CHN2: variants seen among roughly 807,000 people sequenced by gnomAD.
CHN2 encodes chimerin 2, also known as beta-chimaerin.
A neutral mutation model predicts 56.3 loss-of-function variants in CHN2; 35 were observed. The observed-to-expected ratio is 0.62, with a 90% CI of 0.47 to 0.82. The LOEUF (loss-of-function observed/expected upper bound fraction) is 0.82. Among genes scored for constraint, CHN2 ranks in the 40% least tolerant of loss-of-function variants. CHN2 has a pLI of 0.00. For synonymous variants in CHN2, 210 were observed against 212.8 expected, an observed-to-expected ratio of 0.99 and a Z score of 0.12; for missense variants, 491 against 580.5, an observed-to-expected ratio of 0.85 and a Z score of 1.58.
Position 29,367,917 on chromosome 7 carries a change from TC to T in CHN2, c.89-14del. On this transcript the variant is annotated splice_polypyrimidine_tract_variant and intron_variant, in intron 2 of 12. Coordinates refer to ENST00000222792, the MANE Select transcript of CHN2 (RefSeq NM_004067.4). ...TTCTAATTATTTCTCTCTCTCTCTC[TC>T]TCTTTTTTGGCAGTATATCAGTTAC... 31 of 1,606,312 alleles carry T rather than the reference TC, an allele frequency of 1.9e-5. No individual in the cohort carries two copies. In the African/African-American group the frequency reaches 2.6e-4, roughly 13 times the overall value.
At chr7:29,290,961 T>G (rs1792561680) in intron 1 of CHN2, among the ~76,000 whole-genome samples, 1 of 152,060 alleles carries the variant, frequency 6.6e-6, no homozygotes, top group African/African-American at 2.4e-5. Context: ...ACCTTTGACT[T>G]GGGGTTTATA....
intron 1 of CHN2, among the ~76,000 whole-genome samples, chr7:29,256,755 C>A (rs1789110913): frequency 6.6e-6 from 1 of 152,090 alleles, no homozygotes; most frequent in Non-Finnish European, 1.5e-5. Flanking sequence ...GGTAGGGAAC[C>A]TAGAGGAACT....
At position 29,195,629 on chromosome 7, in the gene CHN2, A is replaced by AGAGAGAGAGAGGGAGAGAGTGTGT. The variant is rs869037854; in HGVS notation, c.49+640_49+641insAGAGAGAGAGGGAGAGAGTGTGTG. Among the ~76,000 whole-genome samples the AGAGAGAGAGAGGGAGAGAGTGTGT allele has an allele frequency of 6.0e-5, 7 of 117,576 alleles. No homozygotes were observed. The East Asian group carries it at 2.7e-3, about 45-fold the overall frequency. The allele number at this position is 117,576 out of a possible 152,430, so 77.1% of individuals were successfully genotyped here. A position where few individuals can be genotyped will look rare whatever the true frequency, so the allele number is the denominator to read the frequency against. ...GAGAGAGAGAGAGAGAGAGAGAGAG[A>AGAGAGAGAGAGGGAGAGAGTGTGT]GTGTGTGTGTGTGTGTGTGTGAGAG... On this transcript the variant is annotated intron_variant, in intron 1 of 12. Coordinates refer to ENST00000222792, the MANE Select transcript of CHN2 (RefSeq NM_004067.4).
At chr7:29,445,814 G>A (rs1403088949) in intron 6 of CHN2, among the ~76,000 whole-genome samples, 3 of 151,724 alleles carry the variant, frequency 2.0e-5, no homozygotes, top group Admixed American at 6.6e-5. Flanking sequence ...TAAATAAATC[G>A]ATCATCAAAT....
chr7:29,380,548 C>T (rs1056114262), intron 3 of CHN2, among the ~76,000 whole-genome samples: 4 of 152,218 alleles, frequency 2.6e-5, no homozygotes, highest in Non-Finnish European at 5.9e-5. Flanking sequence ...AATACTCTTA[C>T]ATTTCTAGGA....
chr7:29,407,682 C>T (rs12536100), intron 6 of CHN2, among the ~76,000 whole-genome samples: 24,944 of 152,168 alleles, frequency 0.16, 2,802 homozygotes, highest in African/African-American at 0.32. Flanking sequence ...TGCCCTTGCA[C>T]GCAGTCATAA....
chr7:29,449,356 C>G (rs1291513989), intron 6 of CHN2, among the ~76,000 whole-genome samples: 1 of 152,170 alleles, frequency 6.6e-6, no homozygotes, highest in Non-Finnish European at 1.5e-5. Flanking sequence ...AGAAATCATT[C>G]AGATTCTTAT....
intron 6 of CHN2, among the ~76,000 whole-genome samples, chr7:29,409,552 T>C (rs1275624374): frequency 6.6e-6 from 1 of 152,154 alleles, no homozygotes; most frequent in African/African-American, 2.4e-5. Context: ...ACCTGGGATA[T>C]ATTGTTTTAT....
At chr7:29,346,498 G>A (rs1424746294) in intron 1 of CHN2, among the ~76,000 whole-genome samples, 5 of 152,224 alleles carry the variant, frequency 3.3e-5, no homozygotes, top group Non-Finnish European at 7.3e-5. Context: ...ACAAATGTAT[G>A]CATCAGTAAA....
chr7:29,452,247 T>C (rs1237748450), intron 6 of CHN2, among the ~76,000 whole-genome samples: 2 of 152,206 alleles, frequency 1.3e-5, no homozygotes, highest in Non-Finnish European at 2.9e-5. Flanking sequence ...ACAGCCTTCA[T>C]TATTGCACCT....
At chr7:29,230,417 TG>T in intron 1 of CHN2, among the ~76,000 whole-genome samples, 2 of 152,346 alleles carry the variant, frequency 1.3e-5, no homozygotes, top group South Asian at 4.1e-4. Context: ...CTCAGCTCAC[TG>T]CAGCCTGTGC....
Position 29,267,020 on chromosome 7 carries a change from T to C in CHN2, c.49+72030T>C, listed in dbSNP as rs192155222. ...ATGGAAAGAATCAATATGGGTCCAATCCCTCCTTTCCCTTTGATGCTTTTT... is the reference window on the plus strand; with the variant it reads ...ATGGAAAGAATCAATATGGGTCCAACCCCTCCTTTCCCTTTGATGCTTTTT... On this transcript the variant is annotated intron_variant, in intron 1 of 12. Transcript: ENST00000222792. Among the ~76,000 whole-genome samples the C allele has an allele frequency of 1.7e-4, 26 of 152,220 alleles. No individual in the cohort carries two copies. In the South Asian group the frequency reaches 5.4e-3, roughly 32 times the overall value.
At chr7:29,361,802 G>A (rs1798754728) in intron 2 of CHN2, among the ~76,000 whole-genome samples, 1 of 152,168 alleles carries the variant, frequency 6.6e-6, no homozygotes, top group Non-Finnish European at 1.5e-5. Context: ...GCCGCTCAGG[G>A]TCTCTTTGTA....
intron 1 of CHN2, among the ~76,000 whole-genome samples, chr7:29,348,811 T>C (rs960348006): frequency 5.9e-5 from 9 of 152,198 alleles, no homozygotes; most frequent in African/African-American, 2.2e-4. Flanking sequence ...TTTTAATTTT[T>C]ATATAAGCAA....
chr7:29,419,817 C>T lies in CHN2; in HGVS notation c.576+18989C>T, dbSNP rs531739236. 1.3e-4 allele frequency among the ~76,000 whole-genome samples: 20 copies of T among 152,230 alleles called. No homozygotes were observed. The South Asian group carries it at 3.9e-3, about 30-fold the overall frequency. ...ATCTCACACCGGCCGGGTGCAGTGG[C>T]TCATGCCTGTAATTCCAGCACTTTG... On this transcript the variant is annotated intron_variant, in intron 6 of 12. Coordinates refer to ENST00000222792, the MANE Select transcript of CHN2 (RefSeq NM_004067.4).
intron 6 of CHN2, among the ~76,000 whole-genome samples, chr7:29,416,396 A>T (rs868206066): frequency 6.6e-6 from 1 of 152,252 alleles, no homozygotes; most frequent in Non-Finnish European, 1.5e-5. Flanking sequence ...GTTGTTACTT[A>T]AGAGAGCAAA....
At chr7:29,362,921 A>C (rs988383479) in intron 2 of CHN2, among the ~76,000 whole-genome samples, 1 of 152,202 alleles carries the variant, frequency 6.6e-6, no homozygotes, top group African/African-American at 2.4e-5. Flanking sequence ...TCATTCACCA[A>C]ATAATTAAAA....
rs771995942 is a variant in CHN2, at chr7:29,452,316, C to T, written c.577-27963C>T. On this transcript the variant is annotated intron_variant, in intron 6 of 12. Transcript: ENST00000222792. ...GACACAATATCGCCAGGCTGGGCCT[C>T]GGGTGAAGGAAGGGAAGGGTCTAGA... is the stretch of plus-strand genomic sequence containing the variant. Among the ~76,000 whole-genome samples the T allele has an allele frequency of 3.0e-4, 45 of 152,068 alleles. 1 individual carries two copies. Among genetic ancestry groups the T allele is most frequent in the Admixed American group, 2.0e-4 (3 of 15,272 alleles).
At chr7:29,335,435 A>C (rs948983941) in intron 1 of CHN2, among the ~76,000 whole-genome samples, 1 of 152,374 alleles carries the variant, frequency 6.6e-6, no homozygotes, top group Middle Eastern at 3.4e-3. Flanking sequence ...AGCTGTGGAC[A>C]TAGGAAGCTC....
Sources: allele counts gnomAD v4.1 joint callset (sites outside exome capture counted in the v4.1 genomes callset), GRCh38; gene constraint gnomAD v4.1.1; transcripts MANE v1.5; gene names NCBI Gene and HGNC (gene_info 2026-07-23, HGNC 2026-07-21).